Variants in ABR observed in about 807,000 individuals in gnomAD.
ABR encodes ABR activator of RhoGEF and GTPase.
A neutral mutation model predicts 107.2 loss-of-function variants in ABR; 35 were observed. The observed-to-expected ratio is 0.33, with a 90% CI of 0.25 to 0.43. The LOEUF is 0.43. Among genes scored for constraint, ABR ranks in the 20% least tolerant of loss-of-function variants. The probability of loss-of-function intolerance (pLI) is 1.00; values close to 1 mark genes in which losing one functional copy is unlikely to be tolerated. For synonymous variants in ABR, 498 were observed against 462.0 expected (o/e 1.08, Z -1.00); for missense variants, 815 against 1,115.2 (o/e 0.73, Z 3.83).
intron 16 of ABR, chr17:1,031,896 G>GCGCTCCCCTCCCTCCCTCCCTCCA: frequency 6.0e-6 from 3 of 499,532 alleles, no homozygotes; most frequent in Admixed American, 2.0e-4. Context: ...CCCTCCCTCC[G>GCGCTCCCCTCCCTCCCTCCCTCCA]TCCGCGTCCC....
intron 1 of ABR, among the ~76,000 whole-genome samples, chr17:1,214,997 A>G (rs2042971413): frequency 6.6e-6 from 1 of 152,040 alleles, no homozygotes; most frequent in Non-Finnish European, 1.5e-5. Context: ...AGGCAGGCAG[A>G]TTGCTTGAGT....
At chr17:1,083,452 G>A in intron 5 of ABR, 68 bp downstream of exon 5, 1 of 1,169,662 alleles carries the variant, frequency 8.5e-7, no homozygotes, top group Non-Finnish European at 1.2e-6. Context: ...AGGGAGGGGA[G>A]ACCAAGGGCT....
At chr17:1,093,144 T>A (rs934379578) in intron 3 of ABR, among the ~76,000 whole-genome samples, 1 of 151,516 alleles carries the variant, frequency 6.6e-6, no homozygotes, top group Non-Finnish European at 1.5e-5. Context: ...TCTGTTGATG[T>A]TCTTCACCTA....
intron 1 of ABR, among the ~76,000 whole-genome samples, chr17:1,201,511 C>T (rs1421893835): frequency 6.6e-6 from 1 of 152,084 alleles, no homozygotes; most frequent in Non-Finnish European, 1.5e-5. Flanking sequence ...CACCTCTCTC[C>T]GGAGGGTAAA....
intron 13 of ABR, among the ~76,000 whole-genome samples, chr17:1,056,661 A>G (rs1293796326): frequency 1.3e-5 from 2 of 152,092 alleles, no homozygotes; most frequent in African/African-American, 4.8e-5. Flanking sequence ...GCCTTTCAAG[A>G]GCTGGTCCCT....
At chr17:1,109,471 T>G (rs1003909178) in intron 2 of ABR, among the ~76,000 whole-genome samples, 9 of 151,502 alleles carry the variant, frequency 5.9e-5, no homozygotes, top group African/African-American at 2.2e-4. Context: ...GAGCCGCCCG[T>G]CCTCTGGGGT....
intron 16 of ABR, among the ~76,000 whole-genome samples, chr17:1,025,835 C>A (rs957956024): frequency 6.6e-6 from 1 of 152,288 alleles, no homozygotes; most frequent in South Asian, 2.1e-4. Flanking sequence ...CTGTCTCGGG[C>A]GCCTCTGTGT....
Position 1,011,037 on chromosome 17 carries a change from G to T in ABR, c.2102-174C>A. 2.5e-6 allele frequency: 2 copies of T among 797,814 alleles called. No individual in the cohort carries two copies. The highest frequency in any genetic ancestry group is 3.9e-6 in the Non-Finnish European group (2 of 510,602). 49.4% of individuals were successfully genotyped at this position (797,814 alleles called of 1,614,324 possible). A position where few individuals can be genotyped will look rare whatever the true frequency, so the allele number is the denominator to read the frequency against. ...CTGTGACTCGGCTCTGTGGGTCGGG[G>T]TTGGGGGAACAGGGAGAGATAGCCT... On this transcript the variant is annotated intron_variant, in intron 19 of 22. Coordinates refer to ENST00000302538, the MANE Select transcript of ABR (RefSeq NM_021962.5). This position sits in a 1 kb window ranked among gnomAD's most constrained non-coding sequence, Gnocchi z 4.8.
chr17:1,181,350 C>G (rs1292165602), upstream of ABR, among the ~76,000 whole-genome samples: 1 of 152,166 alleles, frequency 6.6e-6, no homozygotes, highest in Non-Finnish European at 1.5e-5. Flanking sequence ...CTGGGGAGCC[C>G]CTGGGAGACG....
At chr17:1,059,865 G>A (rs1220381372) in intron 10 of ABR, among the ~76,000 whole-genome samples, 2 of 152,168 alleles carry the variant, frequency 1.3e-5, no homozygotes, top group Non-Finnish European at 2.9e-5. Context: ...TGACACTGTG[G>A]GGGACAGTCA....
At position 1,126,230 on chromosome 17, in the gene ABR, C is replaced by T. The variant is rs117101245; in HGVS notation, c.62-863G>A. On this transcript the variant is annotated intron_variant, in intron 1 of 22. Transcript: ENST00000302538. Reference sequence around the variant, plus strand: ...ACATTTTCCAAAAGGGTTACGAGGGCGGCCTCGGAAAGGCCCCTGCGTCCA... The same window carrying T: ...ACATTTTCCAAAAGGGTTACGAGGGTGGCCTCGGAAAGGCCCCTGCGTCCA... The T allele has an allele frequency of 7.3e-3, 1,120 of 152,574 alleles. 6 individuals carry two copies. The highest frequency in any genetic ancestry group is 0.011 in the Non-Finnish European group (757 of 68,236). The allele number at this position is 152,574 out of a possible 1,614,324, so 9.5% of individuals were successfully genotyped here. A position where few individuals can be genotyped will look rare whatever the true frequency, so the allele number is the denominator to read the frequency against.
intron 12 of ABR, among the ~76,000 whole-genome samples, chr17:1,057,502 T>C (rs1261019425): frequency 6.6e-6 from 1 of 151,996 alleles, no homozygotes; most frequent in Non-Finnish European, 1.5e-5. Context: ...TTCAGCCTCC[T>C]GAGTAGCTGG....
chr17:1,099,298 C>G (rs1460755244), intron 3 of ABR, among the ~76,000 whole-genome samples: 2 of 152,136 alleles, frequency 1.3e-5, no homozygotes, highest in Non-Finnish European at 2.9e-5. Flanking sequence ...TGGTCTCGAA[C>G]TCCTGTCCTC....
At chr17:1,019,088 G>A (rs2071423623) in intron 16 of ABR, among the ~76,000 whole-genome samples, 1 of 152,158 alleles carries the variant, frequency 6.6e-6, no homozygotes, top group Non-Finnish European at 1.5e-5. Flanking sequence ...CCGACCCGGT[G>A]GGCAGACCTG....
rs1341334600 is a variant in ABR, at chr17:1,003,989, T to C, written c.*2091A>G. The C allele has an allele frequency of 6.6e-6, 1 of 152,280 alleles. No individual in the cohort carries two copies. The highest frequency in any genetic ancestry group is 1.5e-5 in the Non-Finnish European group (1 of 68,082). The allele number at this position is 152,280 out of a possible 1,614,324, so 9.4% of individuals were successfully genotyped here. On this transcript the variant is annotated 3_prime_UTR_variant, in exon 23 of 23. Coordinates refer to ENST00000302538, the MANE Select transcript of ABR (RefSeq NM_021962.5). ...GGATTTATAAATATGAGCCTTTGCA[T>C]TTCTCAGCCTTTGCAGCCTTCCCAT...
chr17:1,171,936 A>T (rs1178481601), intron 1 of ABR, among the ~76,000 whole-genome samples: 1 of 152,164 alleles, frequency 6.6e-6, no homozygotes, highest in Non-Finnish European at 1.5e-5. Flanking sequence ...GTCTCAAAAA[A>T]ATGAAGAAAG....
chr17:1,096,970 G>C (rs936734669), intron 3 of ABR, among the ~76,000 whole-genome samples: 49 of 150,148 alleles, frequency 3.3e-4, no homozygotes, highest in African/African-American at 1.0e-3. Flanking sequence ...GCCGGGGAAG[G>C]GGGGAACCTG....
rs531293952 is a variant in ABR, at chr17:1,125,471, G to A, written c.62-104C>T. ...GGCGGCCCCCGGCAGCCATGGCCCC[G>A]GCCGCACCATCCACGCCTGGCCCGG... On this transcript the variant is annotated intron_variant, in intron 1 of 22. Coordinates refer to ENST00000302538, the MANE Select transcript of ABR (RefSeq NM_021962.5). The A allele has an allele frequency of 1.6e-4, 215 of 1,382,788 alleles. 1 individual carries two copies. Among genetic ancestry groups the A allele is most frequent in the South Asian group, 8.0e-4 (69 of 86,436 alleles). The allele number at this position is 1,382,788 out of a possible 1,614,324, so 85.7% of individuals were successfully genotyped here.
At position 1,140,110 on chromosome 17, in the gene ABR, A is replaced by T. The variant is rs578014544; in HGVS notation, c.62-14743T>A. Among the ~76,000 whole-genome samples the T allele has an allele frequency of 5.3e-5, 8 of 152,338 alleles. No homozygotes were observed. In the South Asian group the frequency reaches 1.7e-3, roughly 32 times the overall value. On this transcript the variant is annotated intron_variant, in intron 1 of 22. Coordinates refer to ENST00000302538, the MANE Select transcript of ABR (RefSeq NM_021962.5). ...AGGAAAACGAAGCTGACTGTGGTGCATGAGATGATGTGGAACGGGGCAAAC... is the reference window on the plus strand; with the variant it reads ...AGGAAAACGAAGCTGACTGTGGTGCTTGAGATGATGTGGAACGGGGCAAAC...
Sources: gnomAD v4.1 joint callset for allele counts (sites outside exome capture counted in the v4.1 genomes callset) on GRCh38, gnomAD v4.1.1 for gene constraint, Gnocchi (gnomAD v3.1) non-coding constraint, MANE v1.5 for transcripts, NCBI Gene and HGNC (gene_info 2026-07-23, HGNC 2026-07-21) for gene names.